Variants in FBXO45 observed in about 807,000 individuals in gnomAD.
FBXO45 encodes the protein F-box/SPRY domain-containing protein 1.
FBXO45 carries 3 observed loss-of-function variants against 25.5 expected under a neutral mutation model. That is an observed-to-expected ratio of 0.12 (90% CI 0.05 to 0.30). The LOEUF is 0.30. Among genes scored for constraint, FBXO45 ranks in the 10% least tolerant of loss-of-function variants. The probability of loss-of-function intolerance (pLI) is 1.00; values close to 1 mark genes in which losing one functional copy is unlikely to be tolerated. For missense variants in FBXO45, 219 were observed against 365.0 expected, an observed-to-expected ratio of 0.60 and a Z score of 3.26; for synonymous variants, 155 against 149.8, an observed-to-expected ratio of 1.03 and a Z score of -0.25.
chr3:196,578,043 A>ATTTTTTTTTTTTTTTTT lies in FBXO45; in HGVS notation c.675+236_675+237insTTTTTTTTTTTTTTTTT, dbSNP rs1196867210. Among the ~76,000 whole-genome samples, 7 of 25,180 alleles carry ATTTTTTTTTTTTTTTTT rather than the reference A, an allele frequency of 2.8e-4. 1 individual carries two copies. Among genetic ancestry groups the ATTTTTTTTTTTTTTTTT allele is most frequent in the African/African-American group, 1.3e-3 (5 of 3,974 alleles). The allele number at this position is 25,180 out of a possible 152,430, so 16.5% of individuals were successfully genotyped here. ...TTTGATTTTGGCTATGCAGAAAAAT[A>ATTTTTTTTTTTTTTTTT]TTCTTTTTTTTTTTTTAGACAGAAT... On this transcript the variant is annotated intron_variant, in intron 2 of 2. Coordinates refer to ENST00000311630, the MANE Select transcript of FBXO45 (RefSeq NM_001105573.2).
At position 196,569,272 on chromosome 3, in the gene FBXO45, C is replaced by G; in HGVS notation, c.288C>G (p.Ile96Met). 6.3e-7 allele frequency: 1 copy of G among 1,576,262 alleles called. No homozygotes were observed. The highest frequency in any genetic ancestry group is 1.7e-4 in the Middle Eastern group (1 of 5,992). Residue 96 changes from isoleucine (I) to methionine (M), a missense_variant, in exon 1 of 3, where the codon ATC (isoleucine) becomes ATG (methionine). Physicochemically the swap from Ile to Met is conservative, Grantham distance 10. Coordinates refer to ENST00000311630, the MANE Select transcript of FBXO45 (RefSeq NM_001105573.2). This position sits in a 1 kb window ranked among gnomAD's most constrained non-coding sequence, Gnocchi z 4.1. ...SLAEEALRTD[I>M]LCNLPSYKAK... ...CAGAAGAGGCTCTGCGCACGGACAT[C>G]CTGTGCAACCTGCCCAGCTACAAGG...
intron 2 of FBXO45, among the ~76,000 whole-genome samples, chr3:196,580,579 C>T (rs1735991935): frequency 6.6e-6 from 1 of 152,190 alleles, no homozygotes; most frequent in African/African-American, 2.4e-5. Flanking sequence ...CCTGCCTTGG[C>T]CTCCCAGTTG....
At position 196,568,898 on chromosome 3, in the gene FBXO45, C is replaced by G; in HGVS notation, c.-87C>G. ...GACAGGGGCGGTGAGCGAGCCGCTCCGGTCTCCGGGCGAGGCTTGGCCTTC... is the reference window on the plus strand; with the variant it reads ...GACAGGGGCGGTGAGCGAGCCGCTCGGGTCTCCGGGCGAGGCTTGGCCTTC... On this transcript the variant is annotated 5_prime_UTR_variant, in exon 1 of 3. Coordinates refer to ENST00000311630, the MANE Select transcript of FBXO45 (RefSeq NM_001105573.2). 2.1e-6 allele frequency: 2 copies of G among 941,882 alleles called. No homozygotes were observed. The highest frequency in any genetic ancestry group is 2.5e-6 in the Non-Finnish European group (2 of 789,692). The allele number at this position is 941,882 out of a possible 1,614,324, so 58.3% of individuals were successfully genotyped here.
chr3:196,569,145 C>T lies in FBXO45; in HGVS notation c.161C>T (p.Ser54Phe), dbSNP rs961796146. ...LELVFSYLEL[S>F]ELRSCALVCK... ...TTGGTGTTCTCTTACCTGGAGCTGT[C>T]CGAGCTGCGGAGCTGCGCCCTGGTG... The change falls in exon 1 of 3, where the codon TCC (serine) becomes TTC (phenylalanine). Residue 54 changes from serine to phenylalanine, a missense_variant. Transcript: ENST00000311630. This position sits in a 1 kb window ranked among gnomAD's most constrained non-coding sequence, Gnocchi z 4.1. 17 of 1,550,232 alleles carry T rather than the reference C, an allele frequency of 1.1e-5. No homozygotes were observed. The highest frequency in any genetic ancestry group is 1.4e-5 in the Non-Finnish European group (16 of 1,146,614).
chr3:196,575,457 CAA>C (rs1198432279), intron 1 of FBXO45, among the ~76,000 whole-genome samples: 9 of 89,960 alleles, frequency 1.0e-4, no homozygotes, highest in South Asian at 3.7e-4. Flanking sequence ...GACTCTGTCT[CAA>C]AAAAAAAAAA....
In FBXO45 at chr3:196,569,060, G is replaced by C; in HGVS notation, c.76G>C (p.Ala26Pro). 8.4e-7 allele frequency: 1 copy of C among 1,185,410 alleles called. No individual in the cohort carries two copies. The highest frequency in any genetic ancestry group is 1.0e-6 in the Non-Finnish European group (1 of 953,622). The allele number at this position is 1,185,410 out of a possible 1,614,324, so 73.4% of individuals were successfully genotyped here. The change falls in exon 1 of 3, where the codon GCG becomes CCG. Residue 26 changes from alanine to proline, a missense_variant. By Grantham distance (27) the Ala-to-Pro change is conservative (BLOSUM62 -1). Around this residue, in one of 4 missense-constraint regions of FBXO45, gnomAD observed 138 missense variants for 157.3 expected, o/e 0.88. Transcript: ENST00000311630. The surrounding 1 kb of genome is among the most constrained non-coding windows in gnomAD (Gnocchi z 4.1). Reference protein sequence around the residue: ...GCSGGGAGAGAGSGSGAAGAG... With the variant: ...GCSGGGAGAGPGSGSGAAGAG... ...TAGCGGCGGCGGCGCGGGCGCGGGCGCGGGCTCGGGCTCTGGGGCCGCGGG... is the reference window on the plus strand; with the variant it reads ...TAGCGGCGGCGGCGCGGGCGCGGGCCCGGGCTCGGGCTCTGGGGCCGCGGG...
In FBXO45 at chr3:196,570,378, C is replaced by T. The variant is rs1735790864; in HGVS notation, c.318+1076C>T. On this transcript the variant is annotated intron_variant, in intron 1 of 2. Transcript: ENST00000311630. The stretch of plus-strand genomic sequence containing the variant: ...TCAGCCTCCCGAGTAGCTGGGATTA[C>T]AGGCATGCGCCACCATGCCCGGCTA... 3.3e-5 allele frequency among the ~76,000 whole-genome samples: 5 copies of T among 150,998 alleles called. 1 individual carries two copies. In the South Asian group the frequency reaches 1.1e-3, roughly 32 times the overall value.
Position 196,584,255 on chromosome 3 carries a change from T to G in FBXO45, c.798T>G (p.Val266=). ...CAAAGGTCTGCTTATACCCAGCAGTTTCTGCTGTATATGGCAACACAGAAG... is the reference window on the plus strand; with the variant it reads ...CAAAGGTCTGCTTATACCCAGCAGTGTCTGCTGTATATGGCAACACAGAAG... ...GLPKVCLYPA[V]SAVYGNTEVT... Residue 266 remains valine (V), a synonymous_variant, in exon 3 of 3, where the codon GTT becomes GTG. Transcript: ENST00000311630. This position sits in a 1 kb window ranked among gnomAD's most constrained non-coding sequence, Gnocchi z 4.3. 11 of 1,613,872 alleles carry G rather than the reference T, an allele frequency of 6.8e-6. No individual in the cohort carries two copies. The highest frequency in any genetic ancestry group is 9.3e-6 in the Non-Finnish European group (11 of 1,179,860).
At chr3:196,572,762 T>C (rs1321668239) in intron 1 of FBXO45, among the ~76,000 whole-genome samples, 1 of 152,178 alleles carries the variant, frequency 6.6e-6, no homozygotes, top group African/African-American at 2.4e-5. Flanking sequence ...CTTAGAAATA[T>C]GGTAGATCAA....
Position 196,577,803 on chromosome 3 carries a change from A to ATATCAGGTGAGAAACTGGGGT in FBXO45, c.671_675+16dup, listed in dbSNP as rs779940426. 68 of 1,570,276 alleles carry ATATCAGGTGAGAAACTGGGGT rather than the reference A, an allele frequency of 4.3e-5. No homozygotes were observed. In the East Asian group the frequency reaches 1.3e-3, roughly 29 times the overall value. ...TTCCACAGTGCAACAACGCACCAAA[A>ATATCAGGTGAGAAACTGGGGT]TATCAGGTGAGAAACTGGGGTTTTT... On this transcript the variant is annotated inframe_insertion, in exon 2 of 3. Coordinates refer to ENST00000311630, the MANE Select transcript of FBXO45 (RefSeq NM_001105573.2).
intron 2 of FBXO45, among the ~76,000 whole-genome samples, chr3:196,583,383 G>A (rs1736050076): frequency 6.6e-6 from 1 of 151,930 alleles, no homozygotes; most frequent in Non-Finnish European, 1.5e-5. Context: ...GCGGGCACCT[G>A]TAGTCCCAGC....
intron 2 of FBXO45, among the ~76,000 whole-genome samples, chr3:196,583,141 AG>A (rs1480042149): frequency 6.6e-6 from 1 of 152,204 alleles, no homozygotes; most frequent in East Asian, 1.9e-4. Context: ...CATTTCACTT[AG>A]CATAATATTT....
In FBXO45 at chr3:196,584,400, T is replaced by C; in HGVS notation, c.*82T>C. Reference sequence around the variant, plus strand: ...AGAACCATGAAGTGACTGTCACACATGCATGTCCAAGAAACATCCTGAAAA... The same window carrying C: ...AGAACCATGAAGTGACTGTCACACACGCATGTCCAAGAAACATCCTGAAAA... On this transcript the variant is annotated 3_prime_UTR_variant, in exon 3 of 3. Coordinates refer to ENST00000311630, the MANE Select transcript of FBXO45 (RefSeq NM_001105573.2). The surrounding 1 kb of genome is among the most constrained non-coding windows in gnomAD (Gnocchi z 4.3). 8.1e-7 allele frequency: 1 copy of C among 1,238,610 alleles called. No homozygotes were observed. The highest frequency in any genetic ancestry group is 1.1e-6 in the Non-Finnish European group (1 of 906,046). 76.7% of individuals were successfully genotyped at this position (1,238,610 alleles called of 1,614,324 possible). A position where few individuals can be genotyped will look rare whatever the true frequency, so the allele number is the denominator to read the frequency against.
chr3:196,575,048 T>C (rs774594321), intron 1 of FBXO45, among the ~76,000 whole-genome samples: 1 of 152,026 alleles, frequency 6.6e-6, no homozygotes, highest in Non-Finnish European at 1.5e-5. Context: ...ATAATTCAGA[T>C]AGAGAGTTGA....
rs577263306 is a variant in FBXO45 at position 196,586,457 on chromosome 3, C to G, written c.*2139C>G. On this transcript the variant is annotated 3_prime_UTR_variant, in exon 3 of 3. Transcript: ENST00000311630. ...TTCTTATCTCAAAGATTTAAATTCCCGAATGTCCCATTCGCAAATCATATG... is the reference window on the plus strand; with the variant it reads ...TTCTTATCTCAAAGATTTAAATTCCGGAATGTCCCATTCGCAAATCATATG... 1 of 152,118 alleles carries G rather than the reference C, an allele frequency of 6.6e-6. No individual in the cohort carries two copies. Among genetic ancestry groups the G allele is most frequent in the Non-Finnish European group, 1.5e-5 (1 of 68,022 alleles). The allele number at this position is 152,118 out of a possible 1,614,324, so 9.4% of individuals were successfully genotyped here.
At chr3:196,580,829 CAGTG>C (rs1735997546) in intron 2 of FBXO45, among the ~76,000 whole-genome samples, 1 of 101,578 alleles carries the variant, frequency 9.8e-6, no homozygotes, top group Non-Finnish European at 2.3e-5. Context: ...TGGAGTGGTG[CAGTG>C]GTGCAGTGGC....
chr3:196,577,424 T>C, intron 1 of FBXO45, 29 bp from the exon 2 acceptor site: 1 of 1,454,188 alleles, frequency 6.9e-7, no homozygotes, highest in Non-Finnish European at 9.3e-7. Context: ...AAAATTGTTA[T>C]TTATTTGGTC....
At chr3:196,581,223 CTTTT>C (rs33962634) in intron 2 of FBXO45, among the ~76,000 whole-genome samples, 26 of 63,668 alleles carry the variant, frequency 4.1e-4, no homozygotes, top group East Asian at 3.3e-3. Context: ...TTTCTTTTTC[CTTTT>C]TTTTTTTTTT....
At chr3:196,579,163 C>T (rs1229792801) in intron 2 of FBXO45, among the ~76,000 whole-genome samples, 1 of 152,218 alleles carries the variant, frequency 6.6e-6, no homozygotes, top group Admixed American at 6.5e-5. Context: ...GTATTTATTA[C>T]TACAGACTTA....
Sources: gnomAD v4.1 joint callset for allele counts (sites outside exome capture counted in the v4.1 genomes callset) on GRCh38, gnomAD v4.1.1 for gene constraint, gnomAD v4.1.1 regional missense constraint, Gnocchi (gnomAD v3.1) non-coding constraint, MANE v1.5 for transcripts, NCBI Gene and HGNC (gene_info 2026-07-23, HGNC 2026-07-21) for gene names.